The following ATP6V1E2 variants were observed in gnomAD, a reference collection of about 807,000 sequenced individuals.
The protein encoded by ATP6V1E2 is ATPase H+ transporting V1 subunit E2, also known as V-type proton ATPase subunit E 2.
For synonymous variants in ATP6V1E2, 121 were observed against 104.2 expected (o/e 1.16, Z -0.98); for missense variants, 308 against 273.3 (o/e 1.13, Z -0.90).
intron 4 of ATP6V1E2, among the ~76,000 whole-genome samples, chr2:46,516,737 T>C (rs1403338112): frequency 6.2e-5 from 3 of 48,044 alleles, no homozygotes; most frequent in South Asian, 1.0e-3. Flanking sequence ...GTAAACTCTA[T>C]ATTAAAAAAA....
In ATP6V1E2 at chr2:46,512,419, G is replaced by A. The variant is rs934734612; in HGVS notation, c.293C>T (p.Ala98Val). 26 of 1,613,980 alleles carry A rather than the reference G, an allele frequency of 1.6e-5. No homozygotes were observed. In the African/African-American group the frequency reaches 2.4e-4, roughly 15 times the overall value. Residue 98 changes from alanine (A) to valine (V), a missense_variant, in exon 5 of 5, where the codon GCG becomes GTG. Coordinates refer to ENST00000522587, the MANE Select transcript of ATP6V1E2 (RefSeq NM_001318063.2). ...NDLISDLLSE[A>V]KLRLSRIVED... ...CACAATCCTGCTGAGTCTCAGCTTC[G>A]CCTCACTGAGCAAATCTGAGATGAG... is the stretch of plus-strand genomic sequence containing the variant.
intron 2 of ATP6V1E2, among the ~76,000 whole-genome samples, chr2:46,539,087 A>ATTTAAACCACC (rs367556945): frequency 6.6e-6 from 1 of 151,986 alleles, no homozygotes. Context: ...GGCAGCTTCC[A>ATTTAAACCACC]AGATTACAGA....
chr2:46,542,125 G>C (rs988150659), intron 1 of ATP6V1E2, 92 bp downstream of exon 1: 1 of 152,184 alleles, frequency 6.6e-6, no homozygotes, highest in Non-Finnish European at 1.5e-5. Context: ...GTGGTGGTGG[G>C]GGGGACCACG....
chr2:46,532,187 T>C (rs1667214842), intron 4 of ATP6V1E2, among the ~76,000 whole-genome samples: 3 of 152,188 alleles, frequency 2.0e-5, no homozygotes, highest in Admixed American at 2.0e-4. Flanking sequence ...TAAATGTCTG[T>C]ATATGTTGAG....
intron 4 of ATP6V1E2, among the ~76,000 whole-genome samples, chr2:46,525,181 G>C (rs1666835309): frequency 6.6e-6 from 1 of 152,172 alleles, no homozygotes; most frequent in South Asian, 2.1e-4. Flanking sequence ...TTGTGAGAAA[G>C]CAGGGACAGG....
At position 46,530,767 on chromosome 2, in the gene ATP6V1E2, G is replaced by T. The variant is rs113698264; in HGVS notation, c.-102+5046C>A. ...AATCATGGCAGAAAGCAAAGGGGAA[G>T]CAAGACACGTCTTACATGGCAGCAG... On this transcript the variant is annotated intron_variant, in intron 4 of 4. Coordinates refer to ENST00000522587, the MANE Select transcript of ATP6V1E2 (RefSeq NM_001318063.2). The surrounding 1 kb of genome is among the most constrained non-coding windows in gnomAD (Gnocchi z 5.2). Among the ~76,000 whole-genome samples the T allele has an allele frequency of 3.2e-3, 493 of 152,330 alleles. 5 individuals are homozygous for T. Among genetic ancestry groups the T allele is most frequent in the African/African-American group, 0.011 (468 of 41,574 alleles).
chr2:46,511,909 G>A lies in ATP6V1E2; in HGVS notation c.*122C>T, dbSNP rs546464019. The A allele has an allele frequency of 1.7e-3, 1,512 of 864,126 alleles. 3 individuals carry two copies. The highest frequency in any genetic ancestry group is 2.2e-3 in the Non-Finnish European group (1,306 of 586,888). 53.5% of individuals were successfully genotyped at this position (864,126 alleles called of 1,614,324 possible). On this transcript the variant is annotated 3_prime_UTR_variant, in exon 5 of 5. Coordinates refer to ENST00000522587, the MANE Select transcript of ATP6V1E2 (RefSeq NM_001318063.2). ...ACTTTAGCTATCCAAAGGGTATTTC[G>A]TGAAGAAAAACAGAACAGTATCAGA...
intron 4 of ATP6V1E2, among the ~76,000 whole-genome samples, chr2:46,533,855 C>T (rs1667310481): frequency 1.3e-5 from 2 of 152,232 alleles, no homozygotes; most frequent in South Asian, 4.1e-4. Context: ...ATTGACAGTG[C>T]TTTCTTTTTC....
At chr2:46,538,058 AT>A (rs1667539123) in intron 2 of ATP6V1E2, among the ~76,000 whole-genome samples, 1 of 152,084 alleles carries the variant, frequency 6.6e-6, no homozygotes, top group Non-Finnish European at 1.5e-5. Context: ...CTCCTCTGTC[AT>A]CCCCACATCC....
At chr2:46,515,196 GTAAAGA>G (rs1687659426) in intron 4 of ATP6V1E2, among the ~76,000 whole-genome samples, 1 of 152,144 alleles carries the variant, frequency 6.6e-6, no homozygotes, top group Non-Finnish European at 1.5e-5. Flanking sequence ...AAGCTCACTA[GTAAAGA>G]TAAAGATATT....
rs774519116 is a variant in ATP6V1E2, at chr2:46,512,302, C to T, written c.410G>A (p.Arg137Gln). Residue 137 changes from arginine (R) to glutamine (Q), a missense_variant, in exon 5 of 5, where the codon CGG becomes CAG. Coordinates refer to ENST00000522587, the MANE Select transcript of ATP6V1E2 (RefSeq NM_001318063.2). ...LLEPVMIVRCRPQDLLLVEAA... is the reference protein window; with the variant it reads ...LLEPVMIVRCQPQDLLLVEAA... The stretch of plus-strand genomic sequence containing the variant: ...CTCCACCAGGAGGAGGTCTTGTGGC[C>T]GGCAGCGTACAATCATCACAGGTTC... 65 of 1,610,946 alleles carry T rather than the reference C, an allele frequency of 4.0e-5. No homozygotes were observed. The highest frequency in any genetic ancestry group is 6.7e-5 in the East Asian group (3 of 44,830).
chr2:46,523,745 T>C (rs1449050844), intron 4 of ATP6V1E2, among the ~76,000 whole-genome samples: 1 of 151,920 alleles, frequency 6.6e-6, no homozygotes, highest in Non-Finnish European at 1.5e-5. Context: ...AAATTTAAAA[T>C]AGTTTTTTTT....
intron 4 of ATP6V1E2, among the ~76,000 whole-genome samples, chr2:46,520,845 A>C (rs1190231769): frequency 6.6e-6 from 1 of 152,090 alleles, no homozygotes; most frequent in East Asian, 1.9e-4. Flanking sequence ...TTGGGGATGG[A>C]AGGGAGGCTT....
chr2:46,526,138 G>T (rs7591009), intron 4 of ATP6V1E2, among the ~76,000 whole-genome samples: 1 of 151,980 alleles, frequency 6.6e-6, no homozygotes, highest in Admixed American at 6.6e-5. Context: ...ATTTTGAGAC[G>T]GAGTTTCACT....
intron 4 of ATP6V1E2, among the ~76,000 whole-genome samples, chr2:46,529,707 G>C (rs1667091917): frequency 6.6e-6 from 1 of 152,146 alleles, no homozygotes; most frequent in South Asian, 2.1e-4. Context: ...AGTGAGCCGT[G>C]ATTGTGCCAC....
intron 4 of ATP6V1E2, among the ~76,000 whole-genome samples, chr2:46,518,758 T>TTG (rs70940621): frequency 0.048 from 6,732 of 139,810 alleles, 235 homozygotes; most frequent in African/African-American, 0.084. Flanking sequence ...CAAGTCAATT[T>TTG]TGTGTGTGTG....
chr2:46,541,958 C>A (rs1028370943), intron 1 of ATP6V1E2: 3 of 152,260 alleles, frequency 2.0e-5, no homozygotes, highest in African/African-American at 7.2e-5. Flanking sequence ...AGGGGGAGCC[C>A]AGGTACATTT....
In ATP6V1E2 at chr2:46,530,655, C is replaced by T. The variant is rs572515120; in HGVS notation, c.-102+5158G>A. 3.3e-5 allele frequency among the ~76,000 whole-genome samples: 5 copies of T among 152,078 alleles called. No individual in the cohort carries two copies. Among genetic ancestry groups the T allele is most frequent in the African/African-American group, 4.8e-5 (2 of 41,460 alleles). On this transcript the variant is annotated intron_variant, in intron 4 of 4. Coordinates refer to ENST00000522587, the MANE Select transcript of ATP6V1E2 (RefSeq NM_001318063.2). This position sits in a 1 kb window ranked among gnomAD's most constrained non-coding sequence, Gnocchi z 5.2. ...GATGTATTAGTTTGTTCTCACACTGCGAATAAAGACATAACCAGGACTGGG... is the reference window on the plus strand; with the variant it reads ...GATGTATTAGTTTGTTCTCACACTGTGAATAAAGACATAACCAGGACTGGG...
At chr2:46,528,988 G>A (rs1266483633) in intron 4 of ATP6V1E2, among the ~76,000 whole-genome samples, 5 of 152,138 alleles carry the variant, frequency 3.3e-5, no homozygotes, top group African/African-American at 1.2e-4. Flanking sequence ...TGGAGAAGTT[G>A]GCCCAGGCTG....
Sources: gnomAD v4.1 joint callset for allele counts (sites outside exome capture counted in the v4.1 genomes callset) on GRCh38, gnomAD v4.1.1 for gene constraint, Gnocchi (gnomAD v3.1) non-coding constraint, MANE v1.5 for transcripts, NCBI Gene and HGNC (gene_info 2026-07-23, HGNC 2026-07-21) for gene names.